CARMIL1: variants seen among roughly 807,000 people sequenced by gnomAD.
CARMIL1 encodes F-actin-uncapping protein LRRC16A.
CARMIL1 carries 90 observed loss-of-function variants against 177.1 expected under a neutral mutation model. The observed-to-expected ratio is 0.51, with a 90% CI of 0.43 to 0.61. The LOEUF (loss-of-function observed/expected upper bound fraction) is 0.61. Among genes scored for constraint, CARMIL1 ranks in the 20% least tolerant of loss-of-function variants. CARMIL1 has a pLI of 0.00. For missense variants in CARMIL1, 1,380 were observed against 1,667.0 expected (o/e 0.83, Z 3.00); for synonymous variants, 577 against 606.2 (o/e 0.95, Z 0.71).
At chr6:25,414,588 T>C (rs1048664352) in intron 2 of CARMIL1, among the ~76,000 whole-genome samples, 2 of 152,198 alleles carry the variant, frequency 1.3e-5, no homozygotes, top group African/African-American at 4.8e-5. Context: ...TTGGGATTTC[T>C]AGTATGAATG....
At chr6:25,445,537 T>C (rs903104939) in intron 5 of CARMIL1, among the ~76,000 whole-genome samples, 1 of 120,476 alleles carries the variant, frequency 8.3e-6, no homozygotes, top group African/African-American at 3.3e-5. Flanking sequence ...AATATATTTC[T>C]TTTTTTTTTT....
intron 11 of CARMIL1, among the ~76,000 whole-genome samples, chr6:25,475,984 G>A (rs1369170084): frequency 6.6e-6 from 1 of 152,118 alleles, no homozygotes; most frequent in Non-Finnish European, 1.5e-5. Context: ...CACCTTCTGG[G>A]TTTTCTGTCT....
chr6:25,351,478 G>C (rs1788097439), intron 2 of CARMIL1, among the ~76,000 whole-genome samples: 2 of 152,188 alleles, frequency 1.3e-5, no homozygotes, highest in Non-Finnish European at 2.9e-5. Flanking sequence ...GTAAACCAAA[G>C]TACAAAGAAC....
chr6:25,470,844 T>A (rs897751529), intron 9 of CARMIL1, among the ~76,000 whole-genome samples: 5 of 152,224 alleles, frequency 3.3e-5, no homozygotes, highest in African/African-American at 1.2e-4. Flanking sequence ...CAAAGGCACC[T>A]AATTGCTAAT....
intron 36 of CARMIL1, among the ~76,000 whole-genome samples, chr6:25,618,889 GA>G (rs1209179532): frequency 6.6e-6 from 1 of 152,236 alleles, no homozygotes; most frequent in Non-Finnish European, 1.5e-5. Flanking sequence ...CCTAGAGGGT[GA>G]AACTGAGGTT....
chr6:25,299,170 C>CTTTT (rs565622591), intron 2 of CARMIL1, among the ~76,000 whole-genome samples: 1 of 118,082 alleles, frequency 8.5e-6, no homozygotes, highest in Non-Finnish European at 1.8e-5. Context: ...ATGCTGGATT[C>CTTTT]TTTTTTTTTT....
chr6:25,524,051 C>T (rs977733438), intron 23 of CARMIL1, among the ~76,000 whole-genome samples: 1 of 151,832 alleles, frequency 6.6e-6, no homozygotes, highest in Non-Finnish European at 1.5e-5. Context: ...GTAAAATAAC[C>T]ATTTTGAAAT....
chr6:25,282,700 A>G (rs144070844), intron 1 of CARMIL1, among the ~76,000 whole-genome samples: 232 of 152,280 alleles, frequency 1.5e-3, no homozygotes, highest in African/African-American at 4.5e-3. Flanking sequence ...TTTCATCTCA[A>G]TGGATTATAT....
chr6:25,518,194 T>C (rs1016526504), intron 22 of CARMIL1, among the ~76,000 whole-genome samples: 2 of 152,208 alleles, frequency 1.3e-5, no homozygotes, highest in African/African-American at 4.8e-5. Context: ...CTTGTATATG[T>C]GAGGCCTCCC....
At chr6:25,587,866 C>G (rs1245963331) in intron 31 of CARMIL1, among the ~76,000 whole-genome samples, 2 of 152,050 alleles carry the variant, frequency 1.3e-5, no homozygotes, top group Non-Finnish European at 2.9e-5. Context: ...TTCTCAGGTA[C>G]CAGAATGTGC....
intron 10 of CARMIL1, among the ~76,000 whole-genome samples, chr6:25,471,619 G>T (rs1409606594): frequency 6.6e-6 from 1 of 152,114 alleles, no homozygotes; most frequent in Non-Finnish European, 1.5e-5. Context: ...AATTAAAATT[G>T]CTAGGGTAAA....
At chr6:25,350,685 G>A (rs1788024479) in intron 2 of CARMIL1, 1 of 152,174 alleles carries the variant, frequency 6.6e-6, no homozygotes, top group African/African-American at 2.4e-5. Context: ...AGTTCTTGAG[G>A]AGAGAGGGAA....
chr6:25,541,214 G>GA (rs1175959049), intron 26 of CARMIL1, among the ~76,000 whole-genome samples: 2 of 152,172 alleles, frequency 1.3e-5, no homozygotes, highest in African/African-American at 4.8e-5. Flanking sequence ...AAAAGAAAGT[G>GA]AAAATCCCGT....
chr6:25,426,545 C>T lies in CARMIL1; in HGVS notation c.234C>T (p.Cys78=). 1 of 1,612,114 alleles carries T rather than the reference C, an allele frequency of 6.2e-7. No homozygotes were observed. The highest frequency in any genetic ancestry group is 8.5e-7 in the Non-Finnish European group (1 of 1,178,828). ...FSYLEIHGVV[C]SKSAQMIVET... ...ACTTGGAGATTCATGGCGTCGTTTG[C>T]AGCAAGTCAGCTCAGGTGAGTGTGA... Residue 78 remains cysteine, a synonymous_variant, in exon 4 of 37, where the codon TGC becomes TGT. Transcript: ENST00000329474.
chr6:25,421,448 C>T (rs1051934203), intron 3 of CARMIL1, among the ~76,000 whole-genome samples: 5 of 152,146 alleles, frequency 3.3e-5, no homozygotes, highest in African/African-American at 7.2e-5. Context: ...AGTTCAACCA[C>T]TGTGGAAGTC....
At chr6:25,285,928 A>G (rs114509996) in intron 2 of CARMIL1, among the ~76,000 whole-genome samples, 3,646 of 152,168 alleles carry the variant, frequency 0.024, 65 homozygotes, top group Non-Finnish European at 0.039. Flanking sequence ...CTGGAGTGCA[A>G]TGGTGTGATC....
At chr6:25,534,020 C>A (rs886782083) in intron 24 of CARMIL1, among the ~76,000 whole-genome samples, 2 of 152,148 alleles carry the variant, frequency 1.3e-5, no homozygotes, top group African/African-American at 4.8e-5. Context: ...ATCCATTACC[C>A]ACTAAACCCT....
intron 2 of CARMIL1, among the ~76,000 whole-genome samples, chr6:25,346,158 C>G (rs985580041): frequency 1.8e-5 from 1 of 54,290 alleles, no homozygotes; most frequent in Non-Finnish European, 4.2e-5. Flanking sequence ...CTTCCCATCT[C>G]ATTCAGAGTA....
intron 2 of CARMIL1, among the ~76,000 whole-genome samples, chr6:25,346,171 A>AG (rs55924461): frequency 0.84 from 128,237 of 152,030 alleles, 54,222 homozygotes; most frequent in South Asian, 0.89. Context: ...TCAGAGTAAA[A>AG]CTGAAGTGTT....
Sources: gnomAD v4.1 joint callset for allele counts (sites outside exome capture counted in the v4.1 genomes callset) on GRCh38, gnomAD v4.1.1 for gene constraint, MANE v1.5 for transcripts, NCBI Gene and HGNC (gene_info 2026-07-23, HGNC 2026-07-21) for gene names.